CLSTN1: variants seen among roughly 807,000 people sequenced by gnomAD.
The protein encoded by CLSTN1 is calsyntenin 1, also known as calsyntenin-1.
Under a neutral mutation model 108.3 loss-of-function variants are expected in CLSTN1, and 28 were observed. That is an observed-to-expected ratio of 0.26 (90% confidence interval 0.19 to 0.35). The LOEUF is 0.35. CLSTN1 is among the 10% of genes least tolerant of loss of function. The pLI is 1.00. For synonymous variants in CLSTN1, 524 were observed against 534.9 expected (o/e 0.98, Z 0.28); for missense variants, 1,157 against 1,302.6 (o/e 0.89, Z 1.72).
chr1:9,749,583 T>C lies in CLSTN1; in HGVS notation c.863A>G (p.His288Arg). The C allele has an allele frequency of 6.2e-7, 1 of 1,614,082 alleles. No individual in the cohort carries two copies. The highest frequency in any genetic ancestry group is 8.5e-7 in the Non-Finnish European group (1 of 1,180,012). Residue 288 changes from histidine (H) to arginine (R), a missense_variant, in exon 7 of 19, where the codon CAC (histidine) becomes CGC (arginine). His to Arg is a conservative substitution (Grantham distance 29). Coordinates refer to ENST00000377298, the MANE Select transcript of CLSTN1 (RefSeq NM_001009566.3). ...GACTGGCTCGTCACATGTCTCCAGGTGGATATTTGGAAAGACGGCCAACGC... is the reference window on the plus strand; with the variant it reads ...GACTGGCTCGTCACATGTCTCCAGGCGGATATTTGGAAAGACGGCCAACGC... ...TGALAVFPNI[H>R]LETCDEPVAS...
rs560687258 is a variant in CLSTN1, at chr1:9,735,573, C to T, written c.1777G>A (p.Glu593Lys). ...PSQLVLTLEG[E>K]DLGELDKAMQ... Reference sequence around the variant, plus strand: ...GCCTTATCCAATTCCCCGAGGTCTTCTCCCTCCAAGGTCAATACCAACTGG... The same window carrying T: ...GCCTTATCCAATTCCCCGAGGTCTTTTCCCTCCAAGGTCAATACCAACTGG... Residue 593 changes from glutamate to lysine, a missense_variant, in exon 13 of 19, where the codon GAA becomes AAA. Coordinates refer to ENST00000377298, the MANE Select transcript of CLSTN1 (RefSeq NM_001009566.3). The T allele has an allele frequency of 6.8e-6, 11 of 1,614,176 alleles. No homozygotes were observed. In the African/African-American group the frequency reaches 9.3e-5, roughly 14 times the overall value.
At position 9,751,481 on chromosome 1, in the gene CLSTN1, T is replaced by C. The variant is rs368965847; in HGVS notation, c.641A>G (p.Asp214Gly). Reference sequence around the variant, plus strand: ...GGCTCCTCGATTCTTACCATCTTTGTCAACAGTAAAGGGCACGTCTGGAGT... The same window carrying C: ...GGCTCCTCGATTCTTACCATCTTTGCCAACAGTAAAGGGCACGTCTGGAGT... ...IITPDVPFTV[D>G]KDGYIKNTEK... Residue 214 changes from aspartate (D) to glycine (G), a missense_variant, in exon 5 of 19, where the codon GAC (aspartate) becomes GGC (glycine). Coordinates refer to ENST00000377298, the MANE Select transcript of CLSTN1 (RefSeq NM_001009566.3). The C allele has an allele frequency of 6.2e-7, 1 of 1,613,952 alleles. No homozygotes were observed. The highest frequency in any genetic ancestry group is 1.3e-5 in the African/African-American group (1 of 74,894).
At chr1:9,737,278 A>G (rs1173396966) in intron 11 of CLSTN1, among the ~76,000 whole-genome samples, 1 of 152,018 alleles carries the variant, frequency 6.6e-6, no homozygotes, top group Non-Finnish European at 1.5e-5. Flanking sequence ...AGTCCCATGC[A>G]TGCACTGCCT....
chr1:9,781,033 G>T, intron 1 of CLSTN1: 1 of 516,602 alleles, frequency 1.9e-6, no homozygotes, highest in Non-Finnish European at 3.5e-6. Flanking sequence ...TCACATTTCA[G>T]GTTTTGGGAT....
chr1:9,751,581 T>C lies in CLSTN1; in HGVS notation c.541A>G (p.Ser181Gly). 1 of 1,614,176 alleles carries C rather than the reference T, an allele frequency of 6.2e-7. No individual in the cohort carries two copies. The highest frequency in any genetic ancestry group is 8.5e-7 in the Non-Finnish European group (1 of 1,180,030). Residue 181 changes from serine (S) to glycine (G), a missense_variant, in exon 5 of 19, where the codon AGC (serine) becomes GGC (glycine). Ser to Gly is a moderately conservative substitution (Grantham distance 56). Transcript: ENST00000377298. ...ATVIEGKQYD[S>G]ILRVEAVDAD... ...TCCACGGCCTCCACCCTCAAAATGC[T>C]GTCGTACTGCTTCCCCTCGATGACC...
intron 3 of CLSTN1, among the ~76,000 whole-genome samples, chr1:9,755,730 G>A (rs1383346016): frequency 6.6e-6 from 1 of 152,012 alleles, no homozygotes; most frequent in Non-Finnish European, 1.5e-5. Flanking sequence ...AAGCTAAAAC[G>A]CAGTTATGTG....
chr1:9,764,302 G>A (rs1354743188), intron 2 of CLSTN1, among the ~76,000 whole-genome samples: 3 of 151,474 alleles, frequency 2.0e-5, no homozygotes, highest in Non-Finnish European at 4.4e-5. Context: ...CACCCCCTGT[G>A]ACCCAAACAC....
intron 1 of CLSTN1, among the ~76,000 whole-genome samples, chr1:9,800,940 A>AAAAT (rs200056743): frequency 2.5e-4 from 38 of 151,556 alleles, no homozygotes; most frequent in East Asian, 1.6e-3. Flanking sequence ...CTCAGTCTCA[A>AAAAT]AAATAAATAA....
chr1:9,816,936 C>A (rs115683626), intron 1 of CLSTN1, among the ~76,000 whole-genome samples: 1 of 152,066 alleles, frequency 6.6e-6, no homozygotes, highest in Non-Finnish European at 1.5e-5. Context: ...CGTGAGCCAC[C>A]GCACCCAGCC....
intron 1 of CLSTN1, among the ~76,000 whole-genome samples, chr1:9,793,874 C>T (rs966425588): frequency 6.6e-6 from 1 of 151,458 alleles, no homozygotes; most frequent in African/African-American, 2.4e-5. Context: ...GTACCCACTG[C>T]CTTTCTGTCC....
At position 9,756,549 on chromosome 1, in the gene CLSTN1, G is replaced by T. The variant is rs561891646; in HGVS notation, c.215-39C>A. The T allele has an allele frequency of 5.7e-6, 9 of 1,585,066 alleles. No individual in the cohort carries two copies. The African/African-American group carries it at 1.2e-4, about 21-fold the overall frequency. On this transcript the variant is annotated intron_variant, in intron 2 of 18. Transcript: ENST00000377298. ...AGATAAGCCCATGTCAGTAATACAGGAAAGAATGAAGATGGAATACACTAA... is the reference window on the plus strand; with the variant it reads ...AGATAAGCCCATGTCAGTAATACAGTAAAGAATGAAGATGGAATACACTAA...
Position 9,818,532 on chromosome 1 carries a change from T to C in CLSTN1, c.91+5111A>G, listed in dbSNP as rs538177647. Among the ~76,000 whole-genome samples, 695 of 151,686 alleles carry C rather than the reference T, an allele frequency of 4.6e-3. 2 individuals are homozygous for C. Among genetic ancestry groups the C allele is most frequent in the African/African-American group, 0.015 (629 of 41,330 alleles). On this transcript the variant is annotated intron_variant, in intron 1 of 18. Transcript: ENST00000377298. ...TTAGTAGAGACAGGGTTTCATCATG[T>C]TGGCCAGGATGGTCTCCATCTCTTG...
At chr1:9,779,187 C>T (rs1653119384) in intron 1 of CLSTN1, among the ~76,000 whole-genome samples, 1 of 152,180 alleles carries the variant, frequency 6.6e-6, no homozygotes, top group Non-Finnish European at 1.5e-5. Context: ...AGGTCTGAAA[C>T]GGCTCTCTGA....
chr1:9,793,015 CTTT>C (rs765428905), intron 1 of CLSTN1, among the ~76,000 whole-genome samples: 4 of 150,208 alleles, frequency 2.7e-5, no homozygotes, highest in African/African-American at 9.7e-5. Flanking sequence ...ACGCAGATCC[CTTT>C]TTTTTTCTTT....
rs149948962 is a variant in CLSTN1 at position 9,741,390 on chromosome 1, T to C, written c.1357-134A>G. The C allele has an allele frequency of 2.5e-4, 209 of 824,994 alleles. 1 individual carries two copies. The African/African-American group carries it at 3.3e-3, about 13-fold the overall frequency. The allele number at this position is 824,994 out of a possible 1,614,324, so 51.1% of individuals were successfully genotyped here. The stretch of plus-strand genomic sequence containing the variant: ...ATGAAAAAAATCTAACCACAAAATA[T>C]CTGCAAATACATCTCACCAAAAGAA... On this transcript the variant is annotated intron_variant, in intron 9 of 18. Coordinates refer to ENST00000377298, the MANE Select transcript of CLSTN1 (RefSeq NM_001009566.3).
intron 15 of CLSTN1, 45 bp downstream of exon 15, chr1:9,733,927 C>T: frequency 6.4e-7 from 1 of 1,568,640 alleles, no homozygotes; most frequent in Non-Finnish European, 8.7e-7. Context: ...TCAAAGTCCC[C>T]TCTTGCAGCC....
chr1:9,774,785 A>G (rs1652856338), intron 1 of CLSTN1, among the ~76,000 whole-genome samples: 1 of 152,046 alleles, frequency 6.6e-6, no homozygotes, highest in South Asian at 2.1e-4. Flanking sequence ...GTGAAGGAAG[A>G]AAGAATGGCT....
intron 1 of CLSTN1, among the ~76,000 whole-genome samples, chr1:9,778,172 T>C (rs1295102220): frequency 6.6e-6 from 1 of 150,594 alleles, no homozygotes; most frequent in Non-Finnish European, 1.5e-5. Flanking sequence ...TTCAGAAGAG[T>C]GTCTGGCACT....
intron 3 of CLSTN1, 71 bp from the exon 4 acceptor site, chr1:9,755,380 C>T: frequency 4.8e-6 from 6 of 1,256,342 alleles, no homozygotes; most frequent in Non-Finnish European, 6.7e-6. Flanking sequence ...CTCCTCCCCC[C>T]ATCTCCACCC....
Sources: allele counts gnomAD v4.1 joint callset (sites outside exome capture counted in the v4.1 genomes callset), GRCh38; gene constraint gnomAD v4.1.1; transcripts MANE v1.5; gene names NCBI Gene and HGNC (gene_info 2026-07-23, HGNC 2026-07-21).